Variants in CDK14 observed in about 807,000 individuals in gnomAD.
CDK14 encodes the protein cyclin-dependent kinase 14.
A neutral mutation model predicts 60.7 loss-of-function variants in CDK14; 34 were observed. That is an observed-to-expected ratio of 0.56 (90% confidence interval 0.43 to 0.75). The LOEUF is 0.75. Ranked by LOEUF, CDK14 falls within the 30% of genes least tolerant of loss-of-function variation. The probability of loss-of-function intolerance (pLI) is 0.00; values close to 1 mark genes in which losing one functional copy is unlikely to be tolerated. For synonymous variants in CDK14, 197 were observed against 203.7 expected, an observed-to-expected ratio of 0.97 and a Z score of 0.28; for missense variants, 482 against 564.1, an observed-to-expected ratio of 0.85 and a Z score of 1.47.
chr7:90,955,885 A>G (rs1380166082), intron 9 of CDK14, 68 bp downstream of exon 9: 3 of 1,563,784 alleles, frequency 1.9e-6, no homozygotes, highest in Admixed American at 3.4e-5. Flanking sequence ...GCCTAGACAA[A>G]CATCCTAACA....
chr7:90,717,377 A>T (rs969368067), intron 2 of CDK14, among the ~76,000 whole-genome samples: 1 of 152,114 alleles, frequency 6.6e-6, no homozygotes, highest in Non-Finnish European at 1.5e-5. Flanking sequence ...CAAAACAGTT[A>T]TCAAGCCTAT....
intron 12 of CDK14, among the ~76,000 whole-genome samples, chr7:91,109,590 C>T (rs1344602154): frequency 2.0e-5 from 3 of 152,016 alleles, no homozygotes; most frequent in Non-Finnish European, 2.9e-5. Context: ...AATCTGGTAG[C>T]AGTAATTCCA....
Position 90,927,965 on chromosome 7 carries a change from A to G in CDK14, c.826+10241A>G, listed in dbSNP as rs115439024. 5.3e-3 allele frequency among the ~76,000 whole-genome samples: 808 copies of G among 152,088 alleles called. 8 individuals are homozygous for G. The highest frequency in any genetic ancestry group is 0.018 in the African/African-American group (760 of 41,484). The stretch of plus-strand genomic sequence containing the variant: ...CTTCTTGCTTCATTTTATTCATTCA[A>G]TCTTCAATCACTGATGCCCTTTCTT... On this transcript the variant is annotated intron_variant, in intron 8 of 14. Transcript: ENST00000380050.
At chr7:91,155,877 A>C (rs1215334353) in intron 14 of CDK14, among the ~76,000 whole-genome samples, 3 of 152,228 alleles carry the variant, frequency 2.0e-5, no homozygotes, top group Non-Finnish European at 4.4e-5. Flanking sequence ...TCCAAAAATT[A>C]TTTAACATTT....
Position 91,051,314 on chromosome 7 carries a change from C to A in CDK14, c.1105+5354C>A, listed in dbSNP as rs80068614. Among the ~76,000 whole-genome samples, 415 of 152,286 alleles carry A rather than the reference C, an allele frequency of 2.7e-3. 4 individuals carry two copies. Among genetic ancestry groups the A allele is most frequent in the African/African-American group, 9.3e-3 (386 of 41,552 alleles). ...CATGAGATTTGGAAGGGACAGACATCCAAACTATATCAGAGTCTAACCTTG... is the reference window on the plus strand; with the variant it reads ...CATGAGATTTGGAAGGGACAGACATACAAACTATATCAGAGTCTAACCTTG... On this transcript the variant is annotated intron_variant, in intron 11 of 14. Coordinates refer to ENST00000380050, the MANE Select transcript of CDK14 (RefSeq NM_001287135.2).
chr7:90,990,227 A>G lies in CDK14; in HGVS notation c.1041+5986A>G, dbSNP rs1051931303. Among the ~76,000 whole-genome samples, 3 of 152,278 alleles carry G rather than the reference A, an allele frequency of 2.0e-5. No homozygotes were observed. The East Asian group carries it at 5.8e-4, about 29-fold the overall frequency. On this transcript the variant is annotated intron_variant, in intron 10 of 14. Transcript: ENST00000380050. ...CAGGAGTTCAAGGCTGCAGTGAGCT[A>G]TGATTGTGCCACTGCACTCCAGCCT...
At chr7:91,205,931 GACTACAGGC>G (rs1802882435) in intron 14 of CDK14, among the ~76,000 whole-genome samples, 1 of 152,050 alleles carries the variant, frequency 6.6e-6, no homozygotes, top group Non-Finnish European at 1.5e-5. Flanking sequence ...AAGCAGCTGG[GACTACAGGC>G]ACACACCACC....
At chr7:90,868,291 C>T (rs546926745) in intron 6 of CDK14, among the ~76,000 whole-genome samples, 1 of 141,790 alleles carries the variant, frequency 7.1e-6, no homozygotes, top group African/African-American at 2.5e-5. Flanking sequence ...TATATACACA[C>T]TATATATATA....
intron 5 of CDK14, among the ~76,000 whole-genome samples, chr7:90,813,655 A>G (rs1002722389): frequency 2.0e-5 from 3 of 152,156 alleles, no homozygotes; most frequent in Non-Finnish European, 4.4e-5. Flanking sequence ...AGGCTGAGAC[A>G]GAAGAATTGC....
At position 90,955,807 on chromosome 7, in the gene CDK14, C is replaced by T. The variant is rs537592613; in HGVS notation, c.937C>T (p.Leu313Phe). 1 of 1,613,108 alleles carries T rather than the reference C, an allele frequency of 6.2e-7. No individual in the cohort carries two copies. Among genetic ancestry groups the T allele is most frequent in the South Asian group, 1.1e-5 (1 of 91,070 alleles). ...AGGCTCAACAGAATATTCCACCTGC[C>T]TTGACATGTGGTGAGAAATGGAAGC... ...LLGSTEYSTC[L>F]DMWGVGCIFV... is the part of the protein sequence containing the mutation. The change falls in exon 9 of 15, where the codon CTT becomes TTT. Residue 313 changes from leucine to phenylalanine, a missense_variant. Physicochemically the swap from Leu to Phe is conservative, Grantham distance 22 (BLOSUM62 0). Transcript: ENST00000380050.
chr7:90,740,739 G>T (rs1803312004), intron 3 of CDK14, among the ~76,000 whole-genome samples: 1 of 152,066 alleles, frequency 6.6e-6, no homozygotes, highest in Non-Finnish European at 1.5e-5. Flanking sequence ...CTTGTTATTT[G>T]GTTCGGATTT....
rs1269180587 is a variant in CDK14 at position 90,649,268 on chromosome 7, C to CTTTGTTTG, written c.123+45022_123+45023insGTTTGTTT. On this transcript the variant is annotated intron_variant, in intron 2 of 14. Coordinates refer to ENST00000380050, the MANE Select transcript of CDK14 (RefSeq NM_001287135.2). Reference sequence around the variant, plus strand: ...TCTTTCTTTCTTTCTTTCTTTCTTTCTTTCTTTCTTTCTTTCTTTCTTTCT... The same window carrying CTTTGTTTG: ...TCTTTCTTTCTTTCTTTCTTTCTTTCTTTGTTTGTTTCTTTCTTTCTTTCTTTCTTTCT... Among the ~76,000 whole-genome samples the CTTTGTTTG allele has an allele frequency of 1.0e-4, 5 of 47,640 alleles. No homozygotes were observed. In the South Asian group the frequency reaches 4.8e-3, roughly 46 times the overall value. 31.3% of individuals were successfully genotyped at this position (47,640 alleles called of 152,430 possible).
intron 2 of CDK14, among the ~76,000 whole-genome samples, chr7:90,611,344 T>TC (rs1799534410): frequency 6.6e-6 from 1 of 152,310 alleles, no homozygotes; most frequent in East Asian, 1.9e-4. Flanking sequence ...CATCCAGATG[T>TC]CCAACTGCCC....
intron 4 of CDK14, among the ~76,000 whole-genome samples, chr7:90,750,571 A>C (rs919919924): frequency 2.0e-5 from 3 of 152,244 alleles, no homozygotes; most frequent in African/African-American, 7.2e-5. Flanking sequence ...AGCTCACTTA[A>C]GGAATTTCAA....
chr7:91,077,723 GTATACT>G (rs1798364850), intron 11 of CDK14, among the ~76,000 whole-genome samples: 1 of 140,442 alleles, frequency 7.1e-6, no homozygotes, highest in Non-Finnish European at 1.5e-5. Flanking sequence ...GGAAAAAAGT[GTATACT>G]TATTTCACTT....
chr7:91,044,077 T>C (rs1797165803), intron 10 of CDK14, among the ~76,000 whole-genome samples: 1 of 152,144 alleles, frequency 6.6e-6, no homozygotes, highest in Admixed American at 6.5e-5. Flanking sequence ...GAGCCAAATA[T>C]AAGTGACCAA....
chr7:90,815,834 G>A (rs944868397), intron 5 of CDK14, among the ~76,000 whole-genome samples: 1 of 151,944 alleles, frequency 6.6e-6, no homozygotes, highest in South Asian at 2.1e-4. Flanking sequence ...ACCAAACACT[G>A]CATGTTCTCA....
intron 11 of CDK14, among the ~76,000 whole-genome samples, chr7:91,065,275 C>T (rs1228438223): frequency 1.3e-5 from 2 of 152,148 alleles, no homozygotes; most frequent in Admixed American, 1.3e-4. Flanking sequence ...CAATTCTGTT[C>T]AGCATTGATG....
At chr7:90,666,538 A>G (rs1011120623) in intron 2 of CDK14, 1 of 152,214 alleles carries the variant, frequency 6.6e-6, no homozygotes, top group African/African-American at 2.4e-5. Context: ...CAAATACTTT[A>G]ACTTTGATGC....
Sources: gnomAD v4.1 joint callset for allele counts (sites outside exome capture counted in the v4.1 genomes callset) on GRCh38, gnomAD v4.1.1 for gene constraint, MANE v1.5 for transcripts, NCBI Gene and HGNC (gene_info 2026-07-23, HGNC 2026-07-21) for gene names.